Variants in DOCK2 observed in about 807,000 individuals in gnomAD.
The protein encoded by DOCK2 is dedicator of cytokinesis protein 2.
DOCK2 carries 87 observed loss-of-function variants against 248.9 expected under a neutral mutation model. The ratio of observed to expected loss-of-function variants is 0.35; its 90% CI spans 0.29 to 0.42. The LOEUF (loss-of-function observed/expected upper bound fraction) is 0.42. Among genes scored for constraint, DOCK2 ranks in the 10% least tolerant of loss-of-function variants. DOCK2 has a pLI of 1.00. For synonymous variants in DOCK2, 805 were observed against 821.6 expected (o/e 0.98, Z 0.35); for missense variants, 1,747 against 2,300.2 (o/e 0.76, Z 4.92).
chr5:169,807,666 A>G (rs1235434534), intron 26 of DOCK2, among the ~76,000 whole-genome samples: 1 of 151,762 alleles, frequency 6.6e-6, no homozygotes, highest in African/African-American at 2.4e-5. Flanking sequence ...CCCCGTCTCT[A>G]CTAAAAAAAT....
intron 25 of DOCK2, among the ~76,000 whole-genome samples, chr5:169,790,251 T>C (rs899007671): frequency 6.6e-6 from 1 of 152,228 alleles, no homozygotes; most frequent in African/African-American, 2.4e-5. Flanking sequence ...CTCATATTGA[T>C]TCAAAACATT....
intron 27 of DOCK2, among the ~76,000 whole-genome samples, chr5:169,937,047 G>A (rs1309424633): frequency 6.6e-6 from 1 of 152,214 alleles, no homozygotes; most frequent in Non-Finnish European, 1.5e-5. Flanking sequence ...GGAGGGAGGG[G>A]CTGACCAGTT....
rs757616739 is a variant in DOCK2, at chr5:169,998,812, T to C, written c.3072+2648T>C. On this transcript the variant is annotated intron_variant, in intron 30 of 51. Coordinates refer to ENST00000520908, the MANE Select transcript of DOCK2 (RefSeq NM_004946.3). ...TGGGTGAGAGTTTCTCCTGGCATTA[T>C]AAATCTTCGACACGGGAACAAAGCA... Among the ~76,000 whole-genome samples the C allele has an allele frequency of 8.2e-4, 125 of 152,316 alleles. 1 individual carries two copies. The highest frequency in any genetic ancestry group is 5.2e-4 in the Admixed American group (8 of 15,306).
intron 36 of DOCK2, among the ~76,000 whole-genome samples, chr5:170,040,469 A>G (rs1388650991): frequency 1.3e-5 from 2 of 152,172 alleles, no homozygotes; most frequent in African/African-American, 4.8e-5. Context: ...TCTATTCTCC[A>G]GCCCCGATCC....
chr5:169,881,646 C>G (rs1772662153), intron 27 of DOCK2, among the ~76,000 whole-genome samples: 1 of 152,168 alleles, frequency 6.6e-6, no homozygotes. Context: ...AAAGATTTCT[C>G]AAGCTGAGAG....
intron 13 of DOCK2, among the ~76,000 whole-genome samples, chr5:169,700,709 T>C (rs1760915782): frequency 6.6e-6 from 1 of 152,098 alleles, no homozygotes; most frequent in African/African-American, 2.4e-5. Flanking sequence ...TAAACAAAAA[T>C]TATAGGAGGG....
At chr5:169,778,869 A>AATCT (rs1247042365) in intron 25 of DOCK2, among the ~76,000 whole-genome samples, 1 of 152,178 alleles carries the variant, frequency 6.6e-6, no homozygotes, top group Non-Finnish European at 1.5e-5. Context: ...CTGATCTACC[A>AATCT]ATCTATCTAT....
chr5:169,945,980 G>A (rs921477743), intron 27 of DOCK2, among the ~76,000 whole-genome samples: 1 of 152,046 alleles, frequency 6.6e-6, no homozygotes, highest in Non-Finnish European at 1.5e-5. Flanking sequence ...CTCCAGCCCT[G>A]GTGCAACACC....
rs764414674 is a variant in DOCK2, at chr5:169,669,334, G to A, written c.168+6G>A. ...TAAAGCACAAAATGTTACAGGTAAG[G>A]TCACCTGGTTTTTATTTGTGTCAGT... On this transcript the variant is annotated splice_donor_region_variant and intron_variant, in intron 3 of 51. Coordinates refer to ENST00000520908, the MANE Select transcript of DOCK2 (RefSeq NM_004946.3). The A allele has an allele frequency of 1.2e-6, 2 of 1,614,106 alleles. No homozygotes were observed. Among genetic ancestry groups the A allele is most frequent in the Non-Finnish European group, 1.7e-6 (2 of 1,179,996 alleles).
At chr5:169,811,872 C>T (rs1240369883) in intron 26 of DOCK2, among the ~76,000 whole-genome samples, 1 of 152,248 alleles carries the variant, frequency 6.6e-6, no homozygotes, top group Non-Finnish European at 1.5e-5. Context: ...CTTTCACCTG[C>T]ACCATTTCCC....
chr5:169,795,459 A>T (rs1313636007), intron 25 of DOCK2, among the ~76,000 whole-genome samples: 1 of 152,182 alleles, frequency 6.6e-6, no homozygotes. Context: ...GGGTGTTGTA[A>T]TGAGGCATGT....
intron 22 of DOCK2, among the ~76,000 whole-genome samples, chr5:169,734,794 C>T (rs574880350): frequency 6.6e-6 from 1 of 152,092 alleles, no homozygotes; most frequent in African/African-American, 2.4e-5. Flanking sequence ...ACTGGGAAAC[C>T]AGCTTTATAT....
At chr5:169,828,049 G>A (rs1476044604) in intron 26 of DOCK2, among the ~76,000 whole-genome samples, 1 of 152,048 alleles carries the variant, frequency 6.6e-6, no homozygotes, top group Admixed American at 6.6e-5. Context: ...ATTGTCTCTT[G>A]CTTATTTTTT....
intron 27 of DOCK2, among the ~76,000 whole-genome samples, chr5:169,972,916 A>T (rs963795006): frequency 6.6e-6 from 1 of 152,122 alleles, no homozygotes; most frequent in African/African-American, 2.4e-5. Flanking sequence ...CCCCTCCCCA[A>T]TAAGCTGTTA....
Position 169,936,673 on chromosome 5 carries a change from C to T in DOCK2, c.2800-46395C>T, listed in dbSNP as rs28482231. On this transcript the variant is annotated intron_variant, in intron 27 of 51. Transcript: ENST00000520908. ...TGATCCATTACAGAATCTAGCATTCCCCAGAGAGCAAAAACCTCCTCCTGG... is the reference window on the plus strand; with the variant it reads ...TGATCCATTACAGAATCTAGCATTCTCCAGAGAGCAAAAACCTCCTCCTGG... Among the ~76,000 whole-genome samples the T allele has an allele frequency of 5.1e-3, 763 of 150,540 alleles. 4 individuals carry two copies. The highest frequency in any genetic ancestry group is 0.017 in the African/African-American group (676 of 40,782).
At chr5:169,786,229 C>A (rs528698724) in intron 25 of DOCK2, among the ~76,000 whole-genome samples, 1 of 152,254 alleles carries the variant, frequency 6.6e-6, no homozygotes, top group South Asian at 2.1e-4. Context: ...ACTCACTCTT[C>A]TTTGGCTGGT....
chr5:169,983,024 G>T, intron 27 of DOCK2, 44 bp from the exon 28 acceptor site: 15 of 1,602,390 alleles, frequency 9.4e-6, no homozygotes, highest in Non-Finnish European at 1.3e-5. Flanking sequence ...GTTTTCCATG[G>T]TCCTCTCTCA....
rs368061729 is a variant in DOCK2, at chr5:169,840,644, T to G, written c.2704-113T>G. ...GATGATGGCAGTAGTGGTGGTGGTG[T>G]TGGTGATGGTGTTGAAGATCACCAT... On this transcript the variant is annotated intron_variant, in intron 26 of 51. Coordinates refer to ENST00000520908, the MANE Select transcript of DOCK2 (RefSeq NM_004946.3). 81 of 768,812 alleles carry G rather than the reference T, an allele frequency of 1.1e-4. 1 individual carries two copies. The African/African-American group carries it at 1.3e-3, about 12-fold the overall frequency. The allele number at this position is 768,812 out of a possible 1,614,324, so 47.6% of individuals were successfully genotyped here.
At chr5:169,665,280 A>G (rs1348284285) in intron 2 of DOCK2, among the ~76,000 whole-genome samples, 1 of 115,444 alleles carries the variant, frequency 8.7e-6, no homozygotes, top group Non-Finnish European at 1.8e-5. Flanking sequence ...ATATATGTTT[A>G]TATATAAGTA....
Sources: allele counts gnomAD v4.1 joint callset (sites outside exome capture counted in the v4.1 genomes callset), GRCh38; gene constraint gnomAD v4.1.1; transcripts MANE v1.5; gene names NCBI Gene and HGNC (gene_info 2026-07-23, HGNC 2026-07-21).